Variants in KATNIP observed in about 807,000 individuals in gnomAD.
The protein encoded by KATNIP is katanin interacting protein, also known as katanin-interacting protein.
A neutral mutation model predicts 174.0 loss-of-function variants in KATNIP; 126 were observed. That is an observed-to-expected ratio of 0.72 (90% CI 0.63 to 0.84). The LOEUF (loss-of-function observed/expected upper bound fraction) is 0.84, where lower values mean the gene tolerates loss of function less well. Among genes scored for constraint, KATNIP ranks in the 40% least tolerant of loss-of-function variants. KATNIP has a pLI of 0.00. For missense variants in KATNIP, 1,958 were observed against 2,109.7 expected, an observed-to-expected ratio of 0.93 and a Z score of 1.41; for synonymous variants, 810 against 835.7, an observed-to-expected ratio of 0.97 and a Z score of 0.53.
intron 2 of KATNIP, among the ~76,000 whole-genome samples, chr16:27,612,397 G>A (rs994641791): frequency 6.6e-6 from 1 of 152,128 alleles, no homozygotes; most frequent in African/African-American, 2.4e-5. Context: ...GGGAAATAAA[G>A]TTGGCTAGTC....
intron 19 of KATNIP, among the ~76,000 whole-genome samples, chr16:27,765,015 A>C (rs2082074629): frequency 6.6e-6 from 1 of 152,178 alleles, no homozygotes; most frequent in Non-Finnish European, 1.5e-5. Flanking sequence ...TTTAAAATGT[A>C]AAAGGAAACA....
At chr16:27,696,014 G>T (rs1001974357) in intron 8 of KATNIP, among the ~76,000 whole-genome samples, 2 of 152,150 alleles carry the variant, frequency 1.3e-5, no homozygotes, top group Non-Finnish European at 2.9e-5. Context: ...GAGCGTCATT[G>T]TACTCTGTTG....
intron 2 of KATNIP, among the ~76,000 whole-genome samples, chr16:27,613,292 T>C (rs952944019): frequency 6.6e-6 from 1 of 152,054 alleles, no homozygotes; most frequent in Non-Finnish European, 1.5e-5. Flanking sequence ...AAAAAGAATC[T>C]GCATTTCACC....
rs375008475 is a variant in KATNIP, at chr16:27,776,561, C to T, written c.4450-367C>T. ...TGATCACCATGGCTGGTGCTCAACC[C>T]GAGTTGGGGACTGTCCCTTTAGCTC... On this transcript the variant is annotated intron_variant, in intron 24 of 27. Transcript: ENST00000261588. This position sits in a 1 kb window ranked among gnomAD's most constrained non-coding sequence, Gnocchi z 4.7. Among the ~76,000 whole-genome samples the T allele has an allele frequency of 1.3e-5, 2 of 152,132 alleles. No homozygotes were observed. Among genetic ancestry groups the T allele is most frequent in the African/African-American group, 2.4e-5 (1 of 41,420 alleles).
chr16:27,672,279 C>T (rs1019687814), intron 6 of KATNIP, among the ~76,000 whole-genome samples: 2 of 152,126 alleles, frequency 1.3e-5, no homozygotes, highest in African/African-American at 4.8e-5. Context: ...ACCCCCAAGA[C>T]AGCCTTGTGC....
chr16:27,760,235 T>C (rs1254140344), intron 18 of KATNIP, among the ~76,000 whole-genome samples: 2 of 152,088 alleles, frequency 1.3e-5, no homozygotes, highest in African/African-American at 4.8e-5. Flanking sequence ...AAAGAGTGAG[T>C]CTTACACTTA....
At chr16:27,732,355 C>G (rs2080726469) in intron 14 of KATNIP, among the ~76,000 whole-genome samples, 1 of 152,190 alleles carries the variant, frequency 6.6e-6, no homozygotes, top group Non-Finnish European at 1.5e-5. Flanking sequence ...TGGCCTTCCT[C>G]CCAAGGGACA....
intron 2 of KATNIP, among the ~76,000 whole-genome samples, chr16:27,613,925 GT>G (rs1318747709): frequency 6.6e-6 from 1 of 151,914 alleles, no homozygotes; most frequent in Non-Finnish European, 1.5e-5. Flanking sequence ...TGTTTCTCGG[GT>G]TTTTTAGAGA....
chr16:27,556,205 A>G (rs1567431445), intron 1 of KATNIP, among the ~76,000 whole-genome samples: 1 of 152,104 alleles, frequency 6.6e-6, no homozygotes, highest in African/African-American at 2.4e-5. Flanking sequence ...CACACAGTTG[A>G]CAGAAGAGGG....
At chr16:27,705,786 C>T (rs998228525) in intron 12 of KATNIP, among the ~76,000 whole-genome samples, 2 of 152,122 alleles carry the variant, frequency 1.3e-5, no homozygotes, top group South Asian at 2.1e-4. Context: ...CTCGATCCTC[C>T]CACCTTGGCC....
At position 27,739,944 on chromosome 16, in the gene KATNIP, A is replaced by G. The variant is rs2081037438; in HGVS notation, c.1744-97A>G. 5.2e-6 allele frequency: 7 copies of G among 1,338,310 alleles called. No individual in the cohort carries two copies. In the South Asian group the frequency reaches 8.7e-5, roughly 17 times the overall value. 82.9% of individuals were successfully genotyped at this position (1,338,310 alleles called of 1,614,324 possible). A position where few individuals can be genotyped will look rare whatever the true frequency, so the allele number is the denominator to read the frequency against. The stretch of plus-strand genomic sequence containing the variant: ...CAAAAGCTTGCATTTCTAGCATTTC[A>G]CATTTTCTTTTCTTTTTTTGGTATC... On this transcript the variant is annotated intron_variant, in intron 14 of 27. Coordinates refer to ENST00000261588, the MANE Select transcript of KATNIP (RefSeq NM_015202.5).
chr16:27,681,639 G>C (rs2078347827), intron 8 of KATNIP, 109 bp downstream of exon 8: 1 of 1,268,302 alleles, frequency 7.9e-7, no homozygotes, highest in Non-Finnish European at 1.1e-6. Context: ...CAGAGGGCTA[G>C]CTGCCCTTTA....
rs933975736 is a variant in KATNIP, at chr16:27,776,847, G to T, written c.4450-81G>T. 8 of 1,012,990 alleles carry T rather than the reference G, an allele frequency of 7.9e-6. No individual in the cohort carries two copies. Among genetic ancestry groups the T allele is most frequent in the East Asian group, 4.8e-5 (2 of 41,618 alleles). 62.8% of individuals were successfully genotyped at this position (1,012,990 alleles called of 1,614,324 possible). A position where few individuals can be genotyped will look rare whatever the true frequency, so the allele number is the denominator to read the frequency against. ...GCCTTGGGCACCACCGCTCACCCCA[G>T]CCCACGCCTGGCACCCCCAGCCCAG... is the stretch of plus-strand genomic sequence containing the variant. On this transcript the variant is annotated intron_variant, in intron 24 of 27. Coordinates refer to ENST00000261588, the MANE Select transcript of KATNIP (RefSeq NM_015202.5). The surrounding 1 kb of genome is among the most constrained non-coding windows in gnomAD (Gnocchi z 4.7).
Position 27,777,882 on chromosome 16 carries a change from A to G in KATNIP, c.4714A>G (p.Asn1572Asp), listed in dbSNP as rs755958149. 1 of 1,613,934 alleles carries G rather than the reference A, an allele frequency of 6.2e-7. No homozygotes were observed. Among genetic ancestry groups the G allele is most frequent in the Admixed American group, 1.7e-5 (1 of 60,036 alleles). Residue 1572 changes from asparagine (N) to aspartate (D), a missense_variant and splice_region_variant, in exon 27 of 28, where the codon AAT becomes GAT. By Grantham distance (23) the Asn-to-Asp change is conservative. Coordinates refer to ENST00000261588, the MANE Select transcript of KATNIP (RefSeq NM_015202.5). This position sits in a 1 kb window ranked among gnomAD's most constrained non-coding sequence, Gnocchi z 4.4. ...RHQEKHTTIS[N>D]QAEDQDVQMM... ...CTTGTGTTTCCTTCCTACCCTCAGT[A>G]ATCAGGCCGAGGATCAAGATGTCCA... is the stretch of plus-strand genomic sequence containing the variant.
intron 5 of KATNIP, among the ~76,000 whole-genome samples, chr16:27,636,206 C>T (rs1019792224): frequency 3.0e-4 from 45 of 152,218 alleles, no homozygotes; most frequent in African/African-American, 1.1e-3. Context: ...AAAGTCTGGC[C>T]CCCACGCTGG....
chr16:27,576,605 A>C (rs1229380609), intron 2 of KATNIP, among the ~76,000 whole-genome samples: 1 of 151,556 alleles, frequency 6.6e-6, no homozygotes, highest in Non-Finnish European at 1.5e-5. Context: ...GTAAAATCCC[A>C]CCTCTACTAA....
At chr16:27,771,393 C>G (rs1182138640) in intron 21 of KATNIP, among the ~76,000 whole-genome samples, 195 bp from the exon 22 acceptor site, 1 of 152,158 alleles carries the variant, frequency 6.6e-6, no homozygotes, top group African/African-American at 2.4e-5. Context: ...GCACAGCATC[C>G]TGCCAGCATT....
chr16:27,759,364 G>T (rs2081864673), intron 18 of KATNIP, among the ~76,000 whole-genome samples: 1 of 152,210 alleles, frequency 6.6e-6, no homozygotes, highest in South Asian at 2.1e-4. Context: ...ATTAGGGAAG[G>T]CCTCTCAGGA....
At chr16:27,584,903 G>A (rs961418436) in intron 2 of KATNIP, among the ~76,000 whole-genome samples, 8 of 152,162 alleles carry the variant, frequency 5.3e-5, no homozygotes, top group Non-Finnish European at 7.4e-5. Context: ...GGCTCAGAGC[G>A]GTGAGACAGC....
Sources: allele counts gnomAD v4.1 joint callset (sites outside exome capture counted in the v4.1 genomes callset), GRCh38; gene constraint gnomAD v4.1.1; non-coding constraint Gnocchi (gnomAD v3.1); transcripts MANE v1.5; gene names NCBI Gene and HGNC (gene_info 2026-07-23, HGNC 2026-07-21).